NBAS: variants seen among roughly 807,000 people sequenced by gnomAD.
The protein encoded by NBAS is NAG/BC035112 fusion.
NBAS carries 219 observed loss-of-function variants against 302.5 expected under a neutral mutation model. That is an observed-to-expected ratio of 0.72 (90% CI 0.65 to 0.81). NBAS has a LOEUF of 0.81. Ranked by LOEUF, NBAS falls within the 30% of genes least tolerant of loss-of-function variation. The probability of loss-of-function intolerance (pLI) is 0.00; values close to 1 mark genes in which losing one functional copy is unlikely to be tolerated. For synonymous variants in NBAS, 1,118 were observed against 1,021.6 expected, an observed-to-expected ratio of 1.09 and a Z score of -1.80; for missense variants, 2,932 against 2,841.6, an observed-to-expected ratio of 1.03 and a Z score of -0.72.
chr2:15,236,111 G>A (rs1295763453), intron 45 of NBAS, among the ~76,000 whole-genome samples: 4 of 152,038 alleles, frequency 2.6e-5, no homozygotes, highest in Non-Finnish European at 5.9e-5. Context: ...TCTAATTTAG[G>A]AACCTCAAGA....
At chr2:15,439,296 G>C (rs139684426) in intron 21 of NBAS, among the ~76,000 whole-genome samples, 1,696 of 145,398 alleles carry the variant, frequency 0.012, 25 homozygotes, top group East Asian at 0.055. Flanking sequence ...AGCAAGACTC[G>C]GTCTCAAATA....
At chr2:15,021,028 T>A in the NBAS span, among the ~76,000 whole-genome samples, 1 of 152,208 alleles carries the variant, frequency 6.6e-6, no homozygotes, top group Non-Finnish European at 1.5e-5. Flanking sequence ...GGTCAGGAGT[T>A]CGAGATCAGC....
At chr2:15,297,742 T>C (rs1386757948) in intron 40 of NBAS, among the ~76,000 whole-genome samples, 1 of 152,216 alleles carries the variant, frequency 6.6e-6, no homozygotes, top group Non-Finnish European at 1.5e-5. Flanking sequence ...CACTTGCCAT[T>C]AGAGTCCTTT....
At chr2:15,358,765 G>A (rs1390832796) in intron 32 of NBAS, among the ~76,000 whole-genome samples, 1 of 152,082 alleles carries the variant, frequency 6.6e-6, no homozygotes, top group African/African-American at 2.4e-5. Context: ...TTTATTAGGT[G>A]AGGAGCCAAC....
At chr2:15,430,156 G>T (rs1417206895) in intron 21 of NBAS, among the ~76,000 whole-genome samples, 1 of 152,142 alleles carries the variant, frequency 6.6e-6, no homozygotes, top group African/African-American at 2.4e-5. Flanking sequence ...TATATTAGAT[G>T]CAAGAGTTAT....
At chr2:14,971,286 G>T in the NBAS span, among the ~76,000 whole-genome samples, 1 of 152,106 alleles carries the variant, frequency 6.6e-6, no homozygotes. Flanking sequence ...GGAGGCTGAG[G>T]CGGGTGGATC....
At chr2:15,334,994 T>C (rs1489706392) in intron 35 of NBAS, among the ~76,000 whole-genome samples, 4 of 152,146 alleles carry the variant, frequency 2.6e-5, no homozygotes, top group African/African-American at 7.2e-5. Flanking sequence ...AATGAAATCA[T>C]GTACTCTTTT....
chr2:15,212,160 G>A (rs1315160589), intron 48 of NBAS, among the ~76,000 whole-genome samples: 12 of 152,092 alleles, frequency 7.9e-5, no homozygotes, highest in Admixed American at 4.6e-4. Flanking sequence ...TTGTTTGTTC[G>A]CAGCTAGTAC....
chr2:15,321,136 C>A (rs1306506318), intron 38 of NBAS, among the ~76,000 whole-genome samples: 4 of 152,124 alleles, frequency 2.6e-5, no homozygotes, highest in African/African-American at 7.2e-5. Context: ...CAAAAACAAG[C>A]AATGGGGAAA....
chr2:15,096,076 T>C, the NBAS span, among the ~76,000 whole-genome samples: 1 of 152,212 alleles, frequency 6.6e-6, no homozygotes, highest in South Asian at 2.1e-4. Flanking sequence ...CAAGACCATG[T>C]CTTGGGTCCT....
chr2:15,242,449 T>G (rs1187488892), intron 44 of NBAS, among the ~76,000 whole-genome samples: 3 of 152,154 alleles, frequency 2.0e-5, no homozygotes, highest in Non-Finnish European at 4.4e-5. Context: ...TGACTAGGCG[T>G]TTTACTTAAT....
chr2:15,437,233 C>G (rs1678069237), intron 21 of NBAS, among the ~76,000 whole-genome samples: 1 of 152,070 alleles, frequency 6.6e-6, no homozygotes, highest in Non-Finnish European at 1.5e-5. Flanking sequence ...CCTGGAGTTC[C>G]AGCTACTGGG....
the NBAS span, among the ~76,000 whole-genome samples, chr2:14,989,185 A>G: frequency 6.6e-6 from 1 of 152,144 alleles, no homozygotes; most frequent in Non-Finnish European, 1.5e-5. Flanking sequence ...AGATAACTCT[A>G]TAGTCATGTT....
chr2:15,177,035 A>G (rs1664574912), intron 51 of NBAS, among the ~76,000 whole-genome samples: 1 of 152,212 alleles, frequency 6.6e-6, no homozygotes, highest in Non-Finnish European at 1.5e-5. Context: ...CTTAATGCAG[A>G]GATGTTACAG....
the NBAS span, among the ~76,000 whole-genome samples, chr2:14,816,852 C>T: frequency 2.0e-5 from 3 of 152,180 alleles, no homozygotes; most frequent in African/African-American, 7.2e-5. Context: ...TGTTATGACA[C>T]AGCACACTGC....
the NBAS span, among the ~76,000 whole-genome samples, chr2:14,993,938 C>T: frequency 1.3e-5 from 2 of 152,126 alleles, no homozygotes; most frequent in Non-Finnish European, 2.9e-5. Flanking sequence ...AGAGACATGT[C>T]CCCAGTCCGG....
the NBAS span, among the ~76,000 whole-genome samples, chr2:15,103,329 T>C: frequency 9.9e-5 from 15 of 152,252 alleles, no homozygotes; most frequent in South Asian, 2.9e-3. Flanking sequence ...AACACCATGG[T>C]TATTACCTAG....
At chr2:15,376,500 T>C (rs553857318) in intron 30 of NBAS, among the ~76,000 whole-genome samples, 32 of 152,260 alleles carry the variant, frequency 2.1e-4, no homozygotes, top group African/African-American at 7.7e-4. Context: ...TAGAATCGCT[T>C]AGGAGAAAAG....
chr2:14,895,867 G>A, the NBAS span, among the ~76,000 whole-genome samples: 5 of 152,096 alleles, frequency 3.3e-5, no homozygotes, highest in African/African-American at 7.2e-5. Context: ...GAAGATGACG[G>A]GTAAGGACTG....
Sources: gnomAD v4.1 joint callset for allele counts (sites outside exome capture counted in the v4.1 genomes callset) on GRCh38, gnomAD v4.1.1 for gene constraint, MANE v1.5 for transcripts, NCBI Gene and HGNC (gene_info 2026-07-23, HGNC 2026-07-21) for gene names.